The following AQR variants were observed in gnomAD, a reference collection of about 807,000 sequenced individuals.
AQR encodes RNA helicase aquarius.
A neutral mutation model predicts 180.5 loss-of-function variants in AQR; 61 were observed. That is an observed-to-expected ratio of 0.34 (90% CI 0.28 to 0.42). AQR has a LOEUF of 0.42. AQR is among the 10% of genes least tolerant of loss of function. AQR has a pLI of 1.00. For missense variants in AQR, 1,281 were observed against 1,798.3 expected (o/e 0.71, Z 5.20); for synonymous variants, 551 against 588.8 (o/e 0.94, Z 0.93).
intron 19 of AQR, among the ~76,000 whole-genome samples, chr15:34,901,477 A>G (rs543482186): frequency 1.3e-5 from 2 of 152,372 alleles, no homozygotes; most frequent in African/African-American, 2.4e-5. Flanking sequence ...TATAGTAGTT[A>G]GCATATATGC....
At chr15:34,863,259 G>A in intron 32 of AQR, 1 of 442,142 alleles carries the variant, frequency 2.3e-6, no homozygotes, top group South Asian at 4.3e-5. Context: ...TTTTTTGAAG[G>A]GGAGGATCAC....
At chr15:34,930,032 A>C (rs1274969485) in intron 12 of AQR, among the ~76,000 whole-genome samples, 1 of 152,238 alleles carries the variant, frequency 6.6e-6, no homozygotes, top group Admixed American at 6.5e-5. Flanking sequence ...CCAGTAACTA[A>C]CATTTCTGAG....
chr15:34,891,540 C>T (rs1012872684), intron 23 of AQR, among the ~76,000 whole-genome samples: 1 of 152,122 alleles, frequency 6.6e-6, no homozygotes, highest in African/African-American at 2.4e-5. Flanking sequence ...GTTTAGCAAG[C>T]AGTGAATTAT....
chr15:34,875,911 T>G (rs763064693), intron 28 of AQR, 24 bp downstream of exon 28: 1 of 1,565,234 alleles, frequency 6.4e-7, no homozygotes, highest in South Asian at 1.1e-5. Flanking sequence ...CTATTTTCTT[T>G]GCCTCAGATC....
intron 2 of AQR, among the ~76,000 whole-genome samples, chr15:34,961,281 T>A (rs2050275619): frequency 6.6e-6 from 1 of 152,090 alleles, no homozygotes; most frequent in East Asian, 1.9e-4. Flanking sequence ...TTTCCATTCA[T>A]TTGAGTGAGG....
chr15:34,932,388 G>C lies in AQR; in HGVS notation c.830C>G (p.Ser277Cys). Residue 277 changes from serine (S) to cysteine (C), a missense_variant, in exon 11 of 35, where the codon TCC becomes TGC. Around this residue, in one of 9 missense-constraint regions of AQR, gnomAD observed 404 missense variants for 490.9 expected, o/e 0.82. Coordinates refer to ENST00000156471, the MANE Select transcript of AQR (RefSeq NM_014691.3). ...RRWFNTILDD[S>C]HLLVHCYLSN... Reference sequence around the variant, plus strand: ...AAGGTAACAGTGAACCAGAAGGTGGGAATCATCCAGGATGGTATTAAACCA... The same window carrying C: ...AAGGTAACAGTGAACCAGAAGGTGGCAATCATCCAGGATGGTATTAAACCA... 6.2e-7 allele frequency: 1 copy of C among 1,612,862 alleles called. No individual in the cohort carries two copies. The highest frequency in any genetic ancestry group is 8.5e-7 in the Non-Finnish European group (1 of 1,179,586).
At chr15:34,949,510 G>C (rs1390011710) in intron 4 of AQR, among the ~76,000 whole-genome samples, 1 of 148,988 alleles carries the variant, frequency 6.7e-6, no homozygotes, top group Admixed American at 6.8e-5. Context: ...TCAGGAGGCT[G>C]AGGCAGGAGA....
At chr15:34,928,102 C>T (rs1595800161) in intron 12 of AQR, among the ~76,000 whole-genome samples, 1 of 152,140 alleles carries the variant, frequency 6.6e-6, no homozygotes, top group South Asian at 2.1e-4. Flanking sequence ...CTGAAAAAAG[C>T]AGGAAAAGAC....
At chr15:34,860,455 T>C (rs1246631393) in intron 33 of AQR, among the ~76,000 whole-genome samples, 1 of 151,848 alleles carries the variant, frequency 6.6e-6, no homozygotes, top group Non-Finnish European at 1.5e-5. Context: ...CCATTGAAAT[T>C]TAGAAAGGTT....
chr15:34,872,036 T>C (rs889615854), intron 30 of AQR, among the ~76,000 whole-genome samples: 2 of 152,118 alleles, frequency 1.3e-5, no homozygotes, highest in Admixed American at 1.3e-4. Flanking sequence ...ATATCATTTA[T>C]ATTCTGGTTC....
chr15:34,880,942 G>T (rs1481304237), intron 27 of AQR, among the ~76,000 whole-genome samples: 2 of 152,120 alleles, frequency 1.3e-5, no homozygotes, highest in Non-Finnish European at 2.9e-5. Context: ...TCTTAAGTGT[G>T]ATAAAAATAA....
intron 16 of AQR, among the ~76,000 whole-genome samples, chr15:34,914,632 G>A (rs1317356356): frequency 6.6e-6 from 1 of 152,134 alleles, no homozygotes; most frequent in Non-Finnish European, 1.5e-5. Context: ...AAGAGTAGGT[G>A]GATTAATGGT....
chr15:34,890,125 G>A, intron 24 of AQR, 90 bp downstream of exon 24: 7 of 1,115,242 alleles, frequency 6.3e-6, no homozygotes, highest in Non-Finnish European at 7.7e-6. Flanking sequence ...TTAAGTTTCA[G>A]TATTCATTGC....
Position 34,854,533 on chromosome 15 carries a change from A to T in AQR, c.*2259T>A, listed in dbSNP as rs1892561018. ...TGATTGTTTCCTCATTATTTAAAAT[A>T]AGTACAGCTCTTAAATTCCTTCAAA... On this transcript the variant is annotated 3_prime_UTR_variant, in exon 35 of 35. Coordinates refer to ENST00000156471, the MANE Select transcript of AQR (RefSeq NM_014691.3). 1 of 152,226 alleles carries T rather than the reference A, an allele frequency of 6.6e-6. No homozygotes were observed. Among genetic ancestry groups the T allele is most frequent in the African/African-American group, 2.4e-5 (1 of 41,460 alleles). The allele number at this position is 152,226 out of a possible 1,614,324, so 9.4% of individuals were successfully genotyped here.
At chr15:34,889,693 A>G (rs1011365197) in intron 24 of AQR, among the ~76,000 whole-genome samples, 3 of 151,942 alleles carry the variant, frequency 2.0e-5, no homozygotes, top group Admixed American at 6.6e-5. Context: ...TTTTTTTGAG[A>G]CAGAGTCTTG....
chr15:34,928,612 A>G (rs767350348), intron 12 of AQR, among the ~76,000 whole-genome samples: 5 of 152,018 alleles, frequency 3.3e-5, no homozygotes, highest in Non-Finnish European at 7.4e-5. Flanking sequence ...GGTTGGTTCC[A>G]TGTCTTTAAT....
At chr15:34,925,161 C>T (rs1038991609) in intron 13 of AQR, among the ~76,000 whole-genome samples, 1 of 151,874 alleles carries the variant, frequency 6.6e-6, no homozygotes, top group South Asian at 2.1e-4. Context: ...ATTAAAAGTT[C>T]TTTAAAATCA....
chr15:34,950,084 CTTTTTT>C (rs1174370425), intron 4 of AQR, among the ~76,000 whole-genome samples: 3 of 74,054 alleles, frequency 4.1e-5, no homozygotes, highest in African/African-American at 1.7e-4. Context: ...TGCTATTTTC[CTTTTTT>C]TTTTTTTTTT....
intron 9 of AQR, among the ~76,000 whole-genome samples, chr15:34,937,536 A>G (rs1177473989): frequency 6.6e-6 from 1 of 152,170 alleles, no homozygotes; most frequent in African/African-American, 2.4e-5. Context: ...TGGTATACCT[A>G]TATAAATATG....
Sources: gnomAD v4.1 joint callset for allele counts (sites outside exome capture counted in the v4.1 genomes callset) on GRCh38, gnomAD v4.1.1 for gene constraint, gnomAD v4.1.1 regional missense constraint, MANE v1.5 for transcripts, NCBI Gene and HGNC (gene_info 2026-07-23, HGNC 2026-07-21) for gene names.